The following SPEG variants were observed in gnomAD, a reference collection of about 807,000 sequenced individuals.
SPEG encodes the protein striated muscle preferentially expressed protein kinase.
A neutral mutation model predicts 300.4 loss-of-function variants in SPEG; 114 were observed. The observed-to-expected ratio is 0.38, with a 90% CI of 0.33 to 0.44. The LOEUF (loss-of-function observed/expected upper bound fraction) is 0.44. SPEG is among the 20% of genes least tolerant of loss of function. The pLI is 1.00. For synonymous variants in SPEG, 1,964 were observed against 2,018.9 expected (o/e 0.97, Z 0.73); for missense variants, 4,201 against 4,586.2 (o/e 0.92, Z 2.43).
chr2:219,461,052 C>A, intron 6 of SPEG: 1 of 954,230 alleles, frequency 1.0e-6, no homozygotes, highest in Non-Finnish European at 1.2e-6. Context: ...CTGGGGAGAA[C>A]CTAGGGGGCT....
chr2:219,470,588 G>A (rs1691784725), intron 13 of SPEG, among the ~76,000 whole-genome samples: 1 of 152,202 alleles, frequency 6.6e-6, no homozygotes, highest in Non-Finnish European at 1.5e-5. Context: ...AAATGAATGG[G>A]TGACTGTTCT....
chr2:219,492,542 G>A, intron 40 of SPEG, 52 bp from the exon 41 acceptor site: 1 of 1,577,008 alleles, frequency 6.3e-7, no homozygotes, highest in Non-Finnish European at 8.6e-7. Flanking sequence ...CAGAGCCCCG[G>A]CAGCTCCCAG....
intron 22 of SPEG, among the ~76,000 whole-genome samples, chr2:219,478,747 G>C (rs1053343583): frequency 9.9e-5 from 15 of 152,200 alleles, no homozygotes; most frequent in Non-Finnish European, 2.2e-4. Context: ...CCATGTCATG[G>C]ATCTTCTAGG....
chr2:219,446,904 T>G (rs566405215), intron 3 of SPEG, among the ~76,000 whole-genome samples: 3 of 152,038 alleles, frequency 2.0e-5, no homozygotes, highest in Non-Finnish European at 4.4e-5. Flanking sequence ...TCAGGAAATA[T>G]TCAATGAGCC....
Position 219,462,288 on chromosome 2 carries a change from C to T in SPEG, c.2617-10C>T, listed in dbSNP as rs1198772217. On this transcript the variant is annotated splice_polypyrimidine_tract_variant and intron_variant, in intron 7 of 40. Transcript: ENST00000312358. ...TGTCTTCCCCTGACACTTTGGGGTA[C>T]CCCCTTCAGGTCTCACTTATGGACC... The T allele has an allele frequency of 2.6e-6, 4 of 1,556,694 alleles. No individual in the cohort carries two copies. Among genetic ancestry groups the T allele is most frequent in the Non-Finnish European group, 2.6e-6 (3 of 1,149,154 alleles).
Position 219,473,655 on chromosome 2 carries a change from C to T in SPEG, c.4271+28C>T. ...GGGCCCCTTTCCCACATGTGGCAGC[C>T]CAGGTCTGGCCCAGCCTGGCCGGAA... On this transcript the variant is annotated intron_variant, in intron 17 of 40. Transcript: ENST00000312358. The surrounding 1 kb of genome is among the most constrained non-coding windows in gnomAD (Gnocchi z 4.6). 6.2e-7 allele frequency: 1 copy of T among 1,614,058 alleles called. No homozygotes were observed. Among genetic ancestry groups the T allele is most frequent in the Non-Finnish European group, 8.5e-7 (1 of 1,179,966 alleles).
chr2:219,462,130 C>A, intron 7 of SPEG, 73 bp downstream of exon 7: 2 of 1,302,296 alleles, frequency 1.5e-6, no homozygotes, highest in Non-Finnish European at 2.1e-6. Context: ...GTTCTTGGGG[C>A]CATGCCTAGG....
intron 6 of SPEG, chr2:219,460,707 G>T (rs891158574): frequency 2.1e-5 from 21 of 985,334 alleles, no homozygotes; most frequent in Admixed American, 1.8e-4. Flanking sequence ...CAGGGCCCAG[G>T]CTGCCTGTGG....
intron 6 of SPEG, among the ~76,000 whole-genome samples, chr2:219,457,992 C>T (rs1690324665): frequency 6.6e-6 from 1 of 152,170 alleles, no homozygotes; most frequent in African/African-American, 2.4e-5. Flanking sequence ...ACCTGCTGCT[C>T]TCTTGCTACC....
chr2:219,485,347 C>A lies in SPEG; in HGVS notation c.7611C>A (p.Ala2537=), dbSNP rs1693297690. 1 of 1,605,688 alleles carries A rather than the reference C, an allele frequency of 6.2e-7. No homozygotes were observed. Among genetic ancestry groups the A allele is most frequent in the East Asian group, 2.2e-5 (1 of 44,474 alleles). The change falls in exon 31 of 41, where the codon GCC becomes GCA. Residue 2537 remains alanine (A), a splice_region_variant and synonymous_variant. Coordinates refer to ENST00000312358, the MANE Select transcript of SPEG (RefSeq NM_005876.5). ...ACTCACGGGCCTGAGTCTTCACAGC[C>A]CCAGGGGAAAGCCGAAGCCGGCTCC... ...SEASATSGSS[A]PGESRSRLRW...
Position 219,488,571 on chromosome 2 carries a change from C to T in SPEG, c.7932C>T (p.Ile2644=). The T allele has an allele frequency of 1.9e-6, 3 of 1,611,674 alleles. No homozygotes were observed. The highest frequency in any genetic ancestry group is 2.5e-6 in the Non-Finnish European group (3 of 1,179,114). ...SCKDGRQLLS[I]PRAGKRHAGL... is the part of the protein sequence containing the mutation. ...AAGATGGGCGGCAGCTGCTCAGCAT[C>T]CCCCGGGCGGGCAAGCGGCACGCCG... The change falls in exon 33 of 41, where the codon ATC becomes ATT. Residue 2644 remains isoleucine, a synonymous_variant. Coordinates refer to ENST00000312358, the MANE Select transcript of SPEG (RefSeq NM_005876.5).
Position 219,461,994 on chromosome 2 carries a change from G to A in SPEG, c.2553G>A (p.Lys851=). 1 of 1,612,270 alleles carries A rather than the reference G, an allele frequency of 6.2e-7. No homozygotes were observed. Among genetic ancestry groups the A allele is most frequent in the Non-Finnish European group, 8.5e-7 (1 of 1,179,388 alleles). ...CCTGGCCGCGAACCCCCACCATGAA[G>A]CCCAGTCCCAGCCAGAACCGCCGTT... is the stretch of plus-strand genomic sequence containing the variant. ...GETWPRTPTM[K]PSPSQNRRSS... is the part of the protein sequence containing the mutation. The change falls in exon 7 of 41, where the codon AAG becomes AAA. Residue 851 remains lysine (K), a synonymous_variant. Coordinates refer to ENST00000312358, the MANE Select transcript of SPEG (RefSeq NM_005876.5).
rs753561934 is a variant in SPEG at position 219,468,855 on chromosome 2, G to A, written c.3302-4G>A. On this transcript the variant is annotated splice_polypyrimidine_tract_variant and splice_region_variant and intron_variant, in intron 11 of 40. Coordinates refer to ENST00000312358, the MANE Select transcript of SPEG (RefSeq NM_005876.5). ...CTCTGCATTCCCACCCCTCCTTTCT[G>A]CAGGCTGCCCCATGGAGGAGAGTGA... The A allele has an allele frequency of 1.9e-6, 3 of 1,610,412 alleles. No homozygotes were observed. The Admixed American group carries it at 5.0e-5, about 27-fold the overall frequency.
chr2:219,442,489 G>A (rs939912082), intron 1 of SPEG, among the ~76,000 whole-genome samples: 1 of 135,736 alleles, frequency 7.4e-6, no homozygotes, highest in African/African-American at 2.9e-5. Flanking sequence ...ATCTTCCGGA[G>A]CTCCTGAAAG....
intron 1 of SPEG, among the ~76,000 whole-genome samples, chr2:219,442,318 C>T (rs1688981884): frequency 6.6e-6 from 1 of 151,820 alleles, no homozygotes; most frequent in African/African-American, 2.4e-5. Flanking sequence ...TCCCCGATCG[C>T]CCGCAATCCC....
rs144043768 is a variant in SPEG, at chr2:219,491,479, C to T, written c.9386-315C>T. Among the ~76,000 whole-genome samples the T allele has an allele frequency of 2.4e-4, 36 of 152,296 alleles. No homozygotes were observed. The East Asian group carries it at 6.9e-3, about 29-fold the overall frequency. On this transcript the variant is annotated intron_variant, in intron 38 of 40. Transcript: ENST00000312358. ...TGAAGGCTTTTAATCTTGGTGTCAG[C>T]CACACTCTTTGTGAATGGGAGCCAT...
Position 219,489,784 on chromosome 2 carries a change from T to C in SPEG, c.8766T>C (p.Pro2922=). The C allele has an allele frequency of 6.2e-7, 1 of 1,609,868 alleles. No homozygotes were observed. The highest frequency in any genetic ancestry group is 8.5e-7 in the Non-Finnish European group (1 of 1,176,646). ...APEPPAPEPP[P]EPTKVTVQSL... ...AGCCCCCAGCCCCTGAGCCCCCTCC[T>C]GAGCCTACCAAGGTGACTGTGCAGA... Residue 2922 remains proline (P), a synonymous_variant, in exon 36 of 41, where the codon CCT becomes CCC. Coordinates refer to ENST00000312358, the MANE Select transcript of SPEG (RefSeq NM_005876.5).
rs1338251736 is a variant in SPEG at position 219,483,159 on chromosome 2, C to G, written c.5696C>G (p.Ala1899Gly). The G allele has an allele frequency of 6.2e-7, 1 of 1,607,530 alleles. No homozygotes were observed. The highest frequency in any genetic ancestry group is 1.7e-5 in the Admixed American group (1 of 59,754). The change falls in exon 30 of 41, where the codon GCC (alanine) becomes GGC (glycine). Residue 1899 changes from alanine to glycine, a missense_variant. Coordinates refer to ENST00000312358, the MANE Select transcript of SPEG (RefSeq NM_005876.5). ...CGCCCCATCCCCGAGCTGCTGCGGG[C>G]CCCCCCAGAGCGGGTGTGGGTGACC... ...VLRPIPELLR[A>G]PPERVWVTMP...
chr2:219,480,305 T>C lies in SPEG; in HGVS notation c.5342+165T>C, dbSNP rs1692718086. Among the ~76,000 whole-genome samples, 3 of 152,144 alleles carry C rather than the reference T, an allele frequency of 2.0e-5. No homozygotes were observed. The South Asian group carries it at 6.2e-4, about 31-fold the overall frequency. ...TGCCCATGTTACTCCTTGCCCCTTGTGAGTCAGGGCTGCCCCATTCTCTCA... is the reference window on the plus strand; with the variant it reads ...TGCCCATGTTACTCCTTGCCCCTTGCGAGTCAGGGCTGCCCCATTCTCTCA... On this transcript the variant is annotated intron_variant, in intron 25 of 40. Coordinates refer to ENST00000312358, the MANE Select transcript of SPEG (RefSeq NM_005876.5). This position sits in a 1 kb window ranked among gnomAD's most constrained non-coding sequence, Gnocchi z 5.3.
Sources: gnomAD v4.1 joint callset for allele counts (sites outside exome capture counted in the v4.1 genomes callset) on GRCh38, gnomAD v4.1.1 for gene constraint, Gnocchi (gnomAD v3.1) non-coding constraint, MANE v1.5 for transcripts, NCBI Gene and HGNC (gene_info 2026-07-23, HGNC 2026-07-21) for gene names.